Variants in MIR2052HG observed in about 807,000 individuals in gnomAD.
The protein encoded by MIR2052HG is MIR2052 host gene.
chr8:74,723,901 G>A (rs1034583610), intron 4 of MIR2052HG, among the ~76,000 whole-genome samples: 1 of 152,134 alleles, frequency 6.6e-6, no homozygotes, highest in Non-Finnish European at 1.5e-5. Context: ...AAAATTTGAA[G>A]CAAGATTTTT....
chr8:74,717,680 G>A (rs186634701), intron 4 of MIR2052HG, among the ~76,000 whole-genome samples: 4 of 151,832 alleles, frequency 2.6e-5, no homozygotes, highest in Middle Eastern at 3.4e-3. Context: ...ATATAGTAAG[G>A]CATCGTGGTG....
At chr8:74,673,910 T>TATATATATATATATATATACACAC (rs1485340799) in intron 2 of MIR2052HG, among the ~76,000 whole-genome samples, 3 of 133,234 alleles carry the variant, frequency 2.3e-5, no homozygotes, top group African/African-American at 1.0e-4. Context: ...TATATATATA[T>TATATATATATATATATATACACAC]ACACACACAA....
intron 2 of MIR2052HG, among the ~76,000 whole-genome samples, chr8:74,645,289 T>G (rs1808679816): frequency 6.9e-6 from 1 of 144,464 alleles, no homozygotes; most frequent in Non-Finnish European, 1.5e-5. Context: ...CTTTTCTTTC[T>G]TTTTTTTTTT....
chr8:74,644,224 C>G (rs1052624990), intron 2 of MIR2052HG, among the ~76,000 whole-genome samples: 1 of 152,178 alleles, frequency 6.6e-6, no homozygotes, highest in Non-Finnish European at 1.5e-5. Flanking sequence ...CACATAATGA[C>G]GTTTCAGTCA....
intron 1 of MIR2052HG, chr8:74,603,490 A>T: frequency 6.3e-7 from 1 of 1,589,234 alleles, no homozygotes; most frequent in Non-Finnish European, 8.6e-7. Flanking sequence ...TATGCAGCCA[A>T]TCAAATCGTT....
chr8:74,693,399 G>A (rs933149043), intron 2 of MIR2052HG, among the ~76,000 whole-genome samples: 5 of 152,018 alleles, frequency 3.3e-5, no homozygotes, highest in Admixed American at 2.0e-4. Flanking sequence ...TAATAATTTC[G>A]ATCTAATGTG....
chr8:74,753,189 A>G lies in MIR2052HG; in HGVS notation n.464+656A>G, dbSNP rs191602453. On this transcript the variant is annotated intron_variant and non_coding_transcript_variant, in intron 5 of 6. Transcript: ENST00000523442. The stretch of plus-strand genomic sequence containing the variant: ...TGAGCATTTGGTGCATGGGTCCCAG[A>G]TAAATGGATTTCTAAGTAAAAGTCA... 1.7e-3 allele frequency among the ~76,000 whole-genome samples: 266 copies of G among 152,344 alleles called. 1 individual carries two copies. Among genetic ancestry groups the G allele is most frequent in the Admixed American group, 3.3e-3 (50 of 15,298 alleles).
chr8:74,739,842 G>T (rs1809807697), intron 4 of MIR2052HG, among the ~76,000 whole-genome samples: 1 of 152,030 alleles, frequency 6.6e-6, no homozygotes, highest in South Asian at 2.1e-4. Flanking sequence ...TATTCTCCTA[G>T]CTCTGGTTAT....
chr8:74,696,507 AC>A (rs2128740373), intron 2 of MIR2052HG, among the ~76,000 whole-genome samples: 2 of 152,266 alleles, frequency 1.3e-5, no homozygotes, highest in East Asian at 3.9e-4. Context: ...AAACAAAAAA[AC>A]ACAAAAATTA....
intron 4 of MIR2052HG, among the ~76,000 whole-genome samples, chr8:74,734,731 CGTT>C (rs1338395354): frequency 7.2e-5 from 11 of 152,240 alleles, no homozygotes; most frequent in African/African-American, 2.4e-5. Context: ...GAGCAGCCCT[CGTT>C]GTTGTGTGCC....
At chr8:74,715,725 C>A (rs1216302437) in intron 4 of MIR2052HG, among the ~76,000 whole-genome samples, 3 of 152,034 alleles carry the variant, frequency 2.0e-5, no homozygotes, top group Non-Finnish European at 4.4e-5. Flanking sequence ...TTGCCAGGAA[C>A]AAATAGAGCC....
intron 1 of MIR2052HG, among the ~76,000 whole-genome samples, chr8:74,600,796 G>A (rs552595059): frequency 3.3e-5 from 5 of 152,012 alleles, no homozygotes; most frequent in Non-Finnish European, 5.9e-5. Context: ...GGATGGTCTC[G>A]ATCTCCTGAC....
intron 2 of MIR2052HG, among the ~76,000 whole-genome samples, chr8:74,623,047 G>T (rs1336014746): frequency 6.6e-6 from 1 of 152,112 alleles, no homozygotes; most frequent in African/African-American, 2.4e-5. Context: ...AGTAAGACAG[G>T]AAGAATAAGT....
chr8:74,631,009 G>A lies in MIR2052HG; in HGVS notation n.216+18069G>A, dbSNP rs183822767. Among the ~76,000 whole-genome samples the A allele has an allele frequency of 5.9e-5, 9 of 152,298 alleles. No homozygotes were observed. In the East Asian group the frequency reaches 1.5e-3, roughly 26 times the overall value. On this transcript the variant is annotated intron_variant and non_coding_transcript_variant, in intron 2 of 6. Coordinates refer to ENST00000523442, the Ensembl canonical transcript of MIR2052HG. ...TTATGTGTACTTAAAGGCAAATATC[G>A]TTCTCCATTTTCCACATATCCAAGA...
At chr8:74,727,843 C>T (rs1221995460) in intron 4 of MIR2052HG, among the ~76,000 whole-genome samples, 2 of 152,126 alleles carry the variant, frequency 1.3e-5, no homozygotes, top group Non-Finnish European at 2.9e-5. Flanking sequence ...GTTGGCTTTT[C>T]TATGTGGTTT....
chr8:74,631,279 T>C (rs1052383315), intron 2 of MIR2052HG, among the ~76,000 whole-genome samples: 1 of 152,192 alleles, frequency 6.6e-6, no homozygotes, highest in African/African-American at 2.4e-5. Flanking sequence ...TAAATATACA[T>C]CTGCATCTTT....
At position 74,704,252 on chromosome 8, in the gene MIR2052HG, T is replaced by C. The variant is rs370295544; in HGVS notation, n.371+570T>C. ...GACAAATATTTTCTTTCTATACTTC[T>C]TGGCAATGAGAGCATTGGCATGTGA... is the stretch of plus-strand genomic sequence containing the variant. On this transcript the variant is annotated intron_variant and non_coding_transcript_variant, in intron 4 of 6. Transcript: ENST00000523442. Among the ~76,000 whole-genome samples, 20 of 152,176 alleles carry C rather than the reference T, an allele frequency of 1.3e-4. No homozygotes were observed. In the East Asian group the frequency reaches 1.7e-3, roughly 13 times the overall value.
intron 2 of MIR2052HG, among the ~76,000 whole-genome samples, chr8:74,662,656 A>T (rs1182594012): frequency 6.6e-6 from 1 of 152,234 alleles, no homozygotes. Flanking sequence ...TCCATGTCCA[A>T]GGATAATTGC....
intron 4 of MIR2052HG, among the ~76,000 whole-genome samples, chr8:74,728,953 T>C (rs1043717007): frequency 2.6e-5 from 4 of 152,172 alleles, no homozygotes; most frequent in African/African-American, 7.2e-5. Context: ...GTCACCAGGC[T>C]TTTCCCTGAA....
Sources: allele counts gnomAD v4.1 joint callset (sites outside exome capture counted in the v4.1 genomes callset), GRCh38; gene constraint gnomAD v4.1.1; transcripts MANE v1.5; gene names NCBI Gene and HGNC (gene_info 2026-07-23, HGNC 2026-07-21).